The following MYLK4 variants were observed in gnomAD, a reference collection of about 807,000 sequenced individuals.
The protein encoded by MYLK4 is myosin light chain kinase family member 4, also known as caMLCK like.
Under a neutral mutation model 48.1 loss-of-function variants are expected in MYLK4, and 46 were observed. The observed-to-expected ratio is 0.96, with a 90% confidence interval of 0.75 to 1.22. The LOEUF (loss-of-function observed/expected upper bound fraction) is 1.22. Ranked by LOEUF, MYLK4 falls within the 50% of genes most tolerant of loss-of-function variation. MYLK4 has a pLI of 0.00. For missense variants in MYLK4, 451 were observed against 486.1 expected (o/e 0.93, Z 0.68); for synonymous variants, 170 against 180.8 (o/e 0.94, Z 0.48).
chr6:2,766,002 C>G, the MYLK4 span: 1 of 1,360,004 alleles, frequency 7.4e-7, no homozygotes, highest in Non-Finnish European at 9.5e-7. Context: ...CCCGACTTCC[C>G]GGTGGCCCGC....
At chr6:2,762,203 CTA>C in the MYLK4 span, among the ~76,000 whole-genome samples, 7 of 151,806 alleles carry the variant, frequency 4.6e-5, no homozygotes, top group East Asian at 1.4e-3. Context: ...TATATTAATT[CTA>C]TCTCTCTTAA....
intron 4 of MYLK4, among the ~76,000 whole-genome samples, chr6:2,688,044 G>GT (rs948868075): frequency 4.0e-5 from 6 of 150,588 alleles, no homozygotes; most frequent in Non-Finnish European, 7.4e-5. Context: ...TTTCCTTCTG[G>GT]TTTTTTTTCT....
Position 2,685,594 on chromosome 6 carries a change from C to G in MYLK4, c.342-18G>C. On this transcript the variant is annotated intron_variant, in intron 4 of 12. Coordinates refer to ENST00000274643, the MANE Select transcript of MYLK4 (RefSeq NM_001012418.5). The surrounding 1 kb of genome is among the most constrained non-coding windows in gnomAD (Gnocchi z 4.5). ...AACGCCCTCTGCCAAAAAGAGGAAG[C>G]GGCGTAGCATGAGGCCCTGTGGTCA... 6.2e-7 allele frequency: 1 copy of G among 1,612,912 alleles called. No homozygotes were observed. The highest frequency in any genetic ancestry group is 8.5e-7 in the Non-Finnish European group (1 of 1,179,168).
intron 2 of MYLK4, among the ~76,000 whole-genome samples, chr6:2,709,623 T>C (rs1317880097): frequency 6.6e-6 from 1 of 152,270 alleles, no homozygotes; most frequent in Non-Finnish European, 1.5e-5. Flanking sequence ...GAACTAGTGT[T>C]CTGCATGTTT....
In MYLK4 at chr6:2,678,343, T is replaced by C; in HGVS notation, c.917A>G (p.Asp306Gly). ...LLSGLSPFLG[D>G]NDAETLNNIL... ...GTTGTTCAGCGTCTCAGCATCATTG[T>C]CACCCAGGAAAGGCGACAAACCGCT... Residue 306 changes from aspartate (D) to glycine (G), a missense_variant, in exon 10 of 13, where the codon GAC becomes GGC. Asp to Gly is a moderately conservative substitution (Grantham distance 94, BLOSUM62 -1). Coordinates refer to ENST00000274643, the MANE Select transcript of MYLK4 (RefSeq NM_001012418.5). 1 of 1,613,970 alleles carries C rather than the reference T, an allele frequency of 6.2e-7. No individual in the cohort carries two copies. Among genetic ancestry groups the C allele is most frequent in the East Asian group, 2.2e-5 (1 of 44,882 alleles).
At chr6:2,770,107 C>T in the MYLK4 span, 5 of 1,612,544 alleles carry the variant, frequency 3.1e-6, no homozygotes, top group African/African-American at 2.7e-5. Flanking sequence ...TTCTGTTTTC[C>T]TCCCATGATT....
At chr6:2,738,597 G>A (rs1425959297) in intron 2 of MYLK4, among the ~76,000 whole-genome samples, 1 of 152,170 alleles carries the variant, frequency 6.6e-6, no homozygotes. Flanking sequence ...CTGTCACCTT[G>A]CAGTTGCAGA....
At chr6:2,765,868 G>A in the MYLK4 span, 4 of 1,443,794 alleles carry the variant, frequency 2.8e-6, no homozygotes, top group Non-Finnish European at 1.8e-6. Flanking sequence ...CGCTGAAGCA[G>A]CCAGCCACCC....
intron 7 of MYLK4, among the ~76,000 whole-genome samples, chr6:2,682,439 T>C (rs563083173): frequency 2.5e-4 from 38 of 152,294 alleles, no homozygotes; most frequent in African/African-American, 8.2e-4. Context: ...TTGGCTTCTG[T>C]GTGCTTTCCA....
chr6:2,765,678 A>T, the MYLK4 span: 1 of 1,553,268 alleles, frequency 6.4e-7, no homozygotes, highest in Non-Finnish European at 8.6e-7. Context: ...CACCAGGTGC[A>T]GTGCCCCGTG....
rs558119239 is a variant in MYLK4, at chr6:2,745,762, C to CA, written c.159+3373dup. Among the ~76,000 whole-genome samples the CA allele has an allele frequency of 5.0e-3, 753 of 151,530 alleles. 4 individuals are homozygous for CA. The highest frequency in any genetic ancestry group is 0.015 in the African/African-American group (617 of 41,268). On this transcript the variant is annotated intron_variant, in intron 2 of 12. Transcript: ENST00000274643. ...CAACACATGGAGACCCCTGTCTCTACAAAAAAATACAGAAAGTAGCCATGG... is the reference window on the plus strand; with the variant it reads ...CAACACATGGAGACCCCTGTCTCTACAAAAAAAATACAGAAAGTAGCCATGG...
rs56959282 is a variant in MYLK4 at position 2,699,287 on chromosome 6, C to CTTTTTTTTTTTTTT, written c.160-6442_160-6429dup. Among the ~76,000 whole-genome samples, 99 of 77,894 alleles carry CTTTTTTTTTTTTTT rather than the reference C, an allele frequency of 1.3e-3. 3 individuals carry two copies. Among genetic ancestry groups the CTTTTTTTTTTTTTT allele is most frequent in the African/African-American group, 2.1e-3 (39 of 18,202 alleles). 51.1% of individuals were successfully genotyped at this position (77,894 alleles called of 152,430 possible). On this transcript the variant is annotated intron_variant, in intron 2 of 12. Coordinates refer to ENST00000274643, the MANE Select transcript of MYLK4 (RefSeq NM_001012418.5). Reference sequence around the variant, plus strand: ...CATGCTACCACTTTTCTTTTCTTTTCTTTTTTTTTTTTTTTTTTTTTTGAT... The same window carrying CTTTTTTTTTTTTTT: ...CATGCTACCACTTTTCTTTTCTTTTCTTTTTTTTTTTTTTTTTTTTTTTTTTTTTTTTTTTTGAT...
At chr6:2,763,392 C>A in the MYLK4 span, among the ~76,000 whole-genome samples, 3 of 152,316 alleles carry the variant, frequency 2.0e-5, no homozygotes, top group African/African-American at 7.2e-5. Context: ...CAGTAAGCAG[C>A]GCTTCTCAGG....
the MYLK4 span, chr6:2,770,081 G>A: frequency 3.1e-6 from 5 of 1,611,362 alleles, no homozygotes; most frequent in Non-Finnish European, 4.2e-6. Flanking sequence ...GGTGGCTGTT[G>A]ACTGGAATCA....
the MYLK4 span, among the ~76,000 whole-genome samples, chr6:2,765,099 C>T: frequency 1.3e-5 from 2 of 152,006 alleles, no homozygotes; most frequent in Non-Finnish European, 2.9e-5. Flanking sequence ...CTCCTCCCTG[C>T]CCTCGCGCGA....
intron 2 of MYLK4, among the ~76,000 whole-genome samples, chr6:2,696,787 C>A (rs80224787): frequency 6.6e-6 from 1 of 152,326 alleles, no homozygotes; most frequent in South Asian, 2.1e-4. Context: ...TGCAGCCAGG[C>A]GCAGTGGCTC....
At chr6:2,700,182 C>G (rs759701641) in intron 2 of MYLK4, among the ~76,000 whole-genome samples, 1 of 152,126 alleles carries the variant, frequency 6.6e-6, no homozygotes, top group Non-Finnish European at 1.5e-5. Flanking sequence ...CTTTCCCTCT[C>G]AAACTCGCAT....
intron 12 of MYLK4, among the ~76,000 whole-genome samples, chr6:2,671,061 A>C (rs1258269862): frequency 1.3e-5 from 2 of 151,982 alleles, no homozygotes; most frequent in Admixed American, 6.6e-5. Flanking sequence ...TTAGGAAGTG[A>C]GACTCTCCCC....
At chr6:2,696,702 TA>T (rs1231725066) in intron 2 of MYLK4, among the ~76,000 whole-genome samples, 1 of 152,254 alleles carries the variant, frequency 6.6e-6, no homozygotes, top group Admixed American at 6.5e-5. Flanking sequence ...CATATGTTTT[TA>T]AAAATATATT....
Sources: gnomAD v4.1 joint callset for allele counts (sites outside exome capture counted in the v4.1 genomes callset) on GRCh38, gnomAD v4.1.1 for gene constraint, Gnocchi (gnomAD v3.1) non-coding constraint, MANE v1.5 for transcripts, NCBI Gene and HGNC (gene_info 2026-07-23, HGNC 2026-07-21) for gene names.